CCDC148: variants seen among roughly 807,000 people sequenced by gnomAD.
CCDC148 encodes coiled-coil domain-containing protein 148.
CCDC148 carries 89 observed loss-of-function variants against 85.7 expected under a neutral mutation model. That is an observed-to-expected ratio of 1.04 (90% CI 0.87 to 1.24). The LOEUF is 1.24. Ranked by LOEUF, CCDC148 falls within the 50% of genes most tolerant of loss-of-function variation. The pLI is 0.00. For synonymous variants in CCDC148, 230 were observed against 213.9 expected, an observed-to-expected ratio of 1.08 and a Z score of -0.66; for missense variants, 692 against 671.7, an observed-to-expected ratio of 1.03 and a Z score of -0.33.
At chr2:158,286,762 G>A (rs573535146) in intron 9 of CCDC148, among the ~76,000 whole-genome samples, 12 of 152,034 alleles carry the variant, frequency 7.9e-5, no homozygotes, top group African/African-American at 1.2e-4. Flanking sequence ...AAAGGTACTG[G>A]GACAACTGGG....
chr2:158,320,592 G>A (rs1692476369), intron 7 of CCDC148, among the ~76,000 whole-genome samples: 1 of 152,072 alleles, frequency 6.6e-6, no homozygotes, highest in African/African-American at 2.4e-5. Context: ...TCTTGGCTTT[G>A]CATATAGCTA....
intron 2 of CCDC148, among the ~76,000 whole-genome samples, chr2:158,351,282 G>C (rs566430495): frequency 3.9e-5 from 6 of 152,336 alleles, no homozygotes; most frequent in South Asian, 4.1e-4. Flanking sequence ...CAGCGTGAGT[G>C]ACGCAGAAGA....
At chr2:158,368,373 A>G (rs1006025273) in intron 1 of CCDC148, among the ~76,000 whole-genome samples, 2 of 152,142 alleles carry the variant, frequency 1.3e-5, no homozygotes, top group Admixed American at 6.6e-5. Context: ...TTCCCAAAGA[A>G]GTATACATCA....
chr2:158,338,733 TG>T lies in CCDC148; in HGVS notation c.756del (p.Asp252GlufsTer8), dbSNP rs1245708686. 8.7e-6 allele frequency: 14 copies of T among 1,603,754 alleles called. No individual in the cohort carries two copies. In the Admixed American group the frequency reaches 2.5e-4, roughly 28 times the overall value. On this transcript the variant is annotated frameshift_variant, in exon 7 of 14. Coordinates refer to ENST00000283233, the MANE Select transcript of CCDC148 (RefSeq NM_138803.4). LOFTEE classifies it high-confidence loss of function. ...TCAGTTTTATCTTATCACCTGTATA[TG>T]TCTTCCAACTGCAGATTAAAGTCTT... is the stretch of plus-strand genomic sequence containing the variant. Reference protein sequence around the residue: ...KLQDFNLQLEDIYRNCQLSEE... With the variant: ...KLQDFNLQLEXIYRNCQLSEE...
At chr2:158,204,144 G>A (rs1490846096) in intron 11 of CCDC148, among the ~76,000 whole-genome samples, 1 of 152,154 alleles carries the variant, frequency 6.6e-6, no homozygotes, top group Non-Finnish European at 1.5e-5. Flanking sequence ...AAGGTAGGAT[G>A]GTGAAGACAG....
intron 1 of CCDC148, among the ~76,000 whole-genome samples, chr2:158,436,062 G>A (rs574658711): frequency 6.6e-6 from 1 of 152,172 alleles, no homozygotes; most frequent in African/African-American, 2.4e-5. Context: ...ACATCAGACA[G>A]ATCAATGAGA....
rs59724353 is a variant in CCDC148 at position 158,217,336 on chromosome 2, G to GTGTATGTA, written c.1370+3258_1370+3259insTACATACA. ...TATATATATATATATATAATTTTGT[G>GTGTATGTA]TATATATATATATATATATAAAATT... On this transcript the variant is annotated intron_variant, in intron 11 of 13. Coordinates refer to ENST00000283233, the MANE Select transcript of CCDC148 (RefSeq NM_138803.4). Among the ~76,000 whole-genome samples the GTGTATGTA allele has an allele frequency of 5.8e-5, 8 of 137,684 alleles. No homozygotes were observed. The South Asian group carries it at 1.6e-3, about 27-fold the overall frequency. 90.3% of individuals were successfully genotyped at this position (137,684 alleles called of 152,430 possible). A position where few individuals can be genotyped will look rare whatever the true frequency, so the allele number is the denominator to read the frequency against.
At position 158,178,841 on chromosome 2, in the gene CCDC148, A is replaced by T. The variant is rs79834937; in HGVS notation, c.1488+38T>A. 6,949 of 1,342,540 alleles carry T rather than the reference A, an allele frequency of 5.2e-3. 24 individuals carry two copies. Among genetic ancestry groups the T allele is most frequent in the Non-Finnish European group, 5.9e-3 (5,622 of 951,876 alleles). 83.2% of individuals were successfully genotyped at this position (1,342,540 alleles called of 1,614,324 possible). A position where few individuals can be genotyped will look rare whatever the true frequency, so the allele number is the denominator to read the frequency against. On this transcript the variant is annotated intron_variant, in intron 12 of 13. Coordinates refer to ENST00000283233, the MANE Select transcript of CCDC148 (RefSeq NM_138803.4). ...AAGAGCACTTAGAAACATTTTTTTT[A>T]AAAAAACCACCCATGAAAATTTCCA...
At chr2:158,406,392 TG>T (rs1037626898) in intron 1 of CCDC148, among the ~76,000 whole-genome samples, 1 of 151,918 alleles carries the variant, frequency 6.6e-6, no homozygotes, top group African/African-American at 2.4e-5. Context: ...CAGGTCCTAG[TG>T]GGGGGCTGGG....
intron 10 of CCDC148, among the ~76,000 whole-genome samples, chr2:158,238,316 C>T (rs1400407189): frequency 6.6e-6 from 1 of 151,882 alleles, no homozygotes; most frequent in Non-Finnish European, 1.5e-5. Flanking sequence ...TAGACAGGAG[C>T]ATGACACGTC....
chr2:158,284,581 A>C (rs1050760046), intron 9 of CCDC148, among the ~76,000 whole-genome samples: 3 of 152,180 alleles, frequency 2.0e-5, no homozygotes, highest in Non-Finnish European at 4.4e-5. Context: ...GAAAAACTGC[A>C]GCAGTCAGCT....
In CCDC148 at chr2:158,358,575, T is replaced by C; in HGVS notation, c.26-5A>G. The C allele has an allele frequency of 1.9e-6, 3 of 1,540,004 alleles. No homozygotes were observed. Among genetic ancestry groups the C allele is most frequent in the Non-Finnish European group, 2.6e-6 (3 of 1,143,334 alleles). On this transcript the variant is annotated splice_region_variant and splice_polypyrimidine_tract_variant and intron_variant, in intron 1 of 13. Coordinates refer to ENST00000283233, the MANE Select transcript of CCDC148 (RefSeq NM_138803.4). ...TCATATGGAATACCAGATTATCTAT[T>C]AGTCATAAAAATAGAAAAATGACAA...
intron 1 of CCDC148, among the ~76,000 whole-genome samples, chr2:158,446,655 A>G (rs1688169687): frequency 6.6e-6 from 1 of 152,198 alleles, no homozygotes; most frequent in African/African-American, 2.4e-5. Context: ...TTCATAAAAT[A>G]TACCCATTAG....
chr2:158,285,107 G>A (rs1690553466), intron 9 of CCDC148, among the ~76,000 whole-genome samples: 2 of 152,030 alleles, frequency 1.3e-5, no homozygotes, highest in Non-Finnish European at 2.9e-5. Context: ...GGCCAACATG[G>A]TGAAACCCTG....
chr2:158,442,672 T>C (rs780114885), intron 1 of CCDC148, among the ~76,000 whole-genome samples: 49 of 152,208 alleles, frequency 3.2e-4, no homozygotes, highest in Admixed American at 9.2e-4. Flanking sequence ...AACACAGCAT[T>C]CCACTCATGC....
chr2:158,277,590 T>C (rs990537661), intron 9 of CCDC148, among the ~76,000 whole-genome samples: 6 of 152,080 alleles, frequency 3.9e-5, no homozygotes, highest in Non-Finnish European at 7.4e-5. Flanking sequence ...CAGTGAGTTA[T>C]GTTTTTTTGT....
At chr2:158,346,445 C>T (rs547625278) in intron 2 of CCDC148, among the ~76,000 whole-genome samples, 1 of 152,312 alleles carries the variant, frequency 6.6e-6, no homozygotes, top group East Asian at 1.9e-4. Context: ...GTATGTCCCT[C>T]TGACCTACTG....
rs1376185169 is a variant in CCDC148, at chr2:158,286,772, G to A, written c.1110+22661C>T. 2.0e-5 allele frequency among the ~76,000 whole-genome samples: 3 copies of A among 152,152 alleles called. No individual in the cohort carries two copies. The East Asian group carries it at 5.8e-4, about 29-fold the overall frequency. On this transcript the variant is annotated intron_variant, in intron 9 of 13. Coordinates refer to ENST00000283233, the MANE Select transcript of CCDC148 (RefSeq NM_138803.4). ...CAATAAAAGGTACTGGGACAACTGG[G>A]TATCCTTATGATAAAAAGTAATATT...
At chr2:158,397,590 G>A (rs901738189) in intron 1 of CCDC148, among the ~76,000 whole-genome samples, 4 of 152,016 alleles carry the variant, frequency 2.6e-5, no homozygotes, top group Non-Finnish European at 4.4e-5. Flanking sequence ...AGAGATTTTT[G>A]TCACCACCAG....
Sources: gnomAD v4.1 joint callset for allele counts (sites outside exome capture counted in the v4.1 genomes callset) on GRCh38, gnomAD v4.1.1 for gene constraint, MANE v1.5 for transcripts, NCBI Gene and HGNC (gene_info 2026-07-23, HGNC 2026-07-21) for gene names.